TLN2: variants seen among roughly 807,000 people sequenced by gnomAD.
The protein encoded by TLN2 is talin-2.
Under a neutral mutation model 294.7 loss-of-function variants are expected in TLN2, and 118 were observed. The observed-to-expected ratio is 0.40, with a 90% CI of 0.34 to 0.47. TLN2 has a LOEUF of 0.47. TLN2 is among the 20% of genes least tolerant of loss of function. The probability of loss-of-function intolerance (pLI) is 0.84; values close to 1 mark genes in which losing one functional copy is unlikely to be tolerated. For synonymous variants in TLN2, 1,431 were observed against 1,304.5 expected, an observed-to-expected ratio of 1.10 and a Z score of -2.09; for missense variants, 3,083 against 3,282.2, an observed-to-expected ratio of 0.94 and a Z score of 1.48.
intron 44 of TLN2, 104 bp downstream of exon 44, chr15:62,781,345 C>A: frequency 2.4e-6 from 2 of 843,974 alleles, no homozygotes; most frequent in Middle Eastern, 3.2e-4. Flanking sequence ...AGAGCCCAGA[C>A]CACTCTCTAG....
chr15:62,662,656 G>A (rs1246971259), intron 9 of TLN2, among the ~76,000 whole-genome samples: 2 of 152,104 alleles, frequency 1.3e-5, no homozygotes, highest in Non-Finnish European at 2.9e-5. Flanking sequence ...AGCAGTGAAA[G>A]ACACAGTCAA....
chr15:62,515,954 A>C (rs1054469276), intron 1 of TLN2, among the ~76,000 whole-genome samples: 1 of 152,182 alleles, frequency 6.6e-6, no homozygotes, highest in Non-Finnish European at 1.5e-5. Context: ...CCCCCTATGC[A>C]ACAAGATCCT....
At chr15:62,519,998 G>C (rs762570443) in intron 1 of TLN2, among the ~76,000 whole-genome samples, 2 of 152,214 alleles carry the variant, frequency 1.3e-5, no homozygotes, top group African/African-American at 4.8e-5. Context: ...CACGTCTTAC[G>C]TGGCAGCAGA....
chr15:62,451,525 T>C (rs1411018221), intron 1 of TLN2, among the ~76,000 whole-genome samples: 1 of 152,088 alleles, frequency 6.6e-6, no homozygotes, highest in Non-Finnish European at 1.5e-5. Context: ...GGCATGGTGG[T>C]GCGTGCCTGT....
At chr15:62,696,043 T>C (rs2058307229) in intron 14 of TLN2, among the ~76,000 whole-genome samples, 1 of 152,234 alleles carries the variant, frequency 6.6e-6, no homozygotes, top group African/African-American at 2.4e-5. Flanking sequence ...TCTTCCTCCA[T>C]TGGTCCTTGG....
intron 1 of TLN2, among the ~76,000 whole-genome samples, chr15:62,400,416 A>G (rs982528624): frequency 2.0e-5 from 3 of 152,234 alleles, no homozygotes; most frequent in Non-Finnish European, 4.4e-5. Context: ...TATTTGAGTC[A>G]TGTTACTTAA....
At chr15:62,805,176 G>A (rs1429477111) in intron 50 of TLN2, among the ~76,000 whole-genome samples, 1 of 152,156 alleles carries the variant, frequency 6.6e-6, no homozygotes, top group Non-Finnish European at 1.5e-5. Flanking sequence ...TGAGTCCTGA[G>A]TGATGGGGCC....
At chr15:62,528,823 T>C (rs1204076390) in intron 1 of TLN2, among the ~76,000 whole-genome samples, 1 of 152,162 alleles carries the variant, frequency 6.6e-6, no homozygotes, top group Non-Finnish European at 1.5e-5. Context: ...TACGCTCTTC[T>C]GTCTTCATCT....
chr15:62,651,933 A>G lies in TLN2; in HGVS notation c.235-72A>G, dbSNP rs2140945097. 2.8e-6 allele frequency: 4 copies of G among 1,446,208 alleles called. No individual in the cohort carries two copies. In the South Asian group the frequency reaches 6.7e-5, roughly 24 times the overall value. 89.6% of individuals were successfully genotyped at this position (1,446,208 alleles called of 1,614,324 possible). A position where few individuals can be genotyped will look rare whatever the true frequency, so the allele number is the denominator to read the frequency against. ...CTGATTTTTTTAAAATTCATTTTTT[A>G]AAGAAAAGTGTTCAAGTTTGTTATT... On this transcript the variant is annotated intron_variant, in intron 5 of 58. Coordinates refer to ENST00000636159, the MANE Select transcript of TLN2 (RefSeq NM_015059.3).
intron 1 of TLN2, among the ~76,000 whole-genome samples, chr15:62,457,980 C>A (rs1373056970): frequency 2.0e-5 from 3 of 152,162 alleles, no homozygotes; most frequent in African/African-American, 7.2e-5. Flanking sequence ...GCAACTGTGC[C>A]AGAAAACTGG....
At chr15:62,452,692 C>T (rs556563670) in intron 1 of TLN2, among the ~76,000 whole-genome samples, 49 of 152,320 alleles carry the variant, frequency 3.2e-4, no homozygotes, top group African/African-American at 1.2e-3. Flanking sequence ...AATCATACCG[C>T]ATTTGTTTTC....
chr15:62,647,745 A>C (rs2052060664), intron 4 of TLN2, among the ~76,000 whole-genome samples: 2 of 152,196 alleles, frequency 1.3e-5, no homozygotes, highest in Admixed American at 1.3e-4. Context: ...GTCCCAAGAA[A>C]GTGCAAATGA....
At position 62,825,776 on chromosome 15, in the gene TLN2, A is replaced by AATATATTATATATTATAAT. The variant is rs1359445614; in HGVS notation, c.7002+5184_7002+5202dup. 1.4e-4 allele frequency among the ~76,000 whole-genome samples: 4 copies of AATATATTATATATTATAAT among 28,686 alleles called. No individual in the cohort carries two copies. In the East Asian group the frequency reaches 3.3e-3, roughly 23 times the overall value. 18.8% of individuals were successfully genotyped at this position (28,686 alleles called of 152,430 possible). A position where few individuals can be genotyped will look rare whatever the true frequency, so the allele number is the denominator to read the frequency against. On this transcript the variant is annotated intron_variant, in intron 54 of 58. Transcript: ENST00000636159. The stretch of plus-strand genomic sequence containing the variant: ...ATATAATTATAATTATATATTATAT[A>AATATATTATATATTATAAT]ATATATTATATATTATAATATATAT...
In TLN2 at chr15:62,707,322, G is replaced by A; in HGVS notation, c.2172+69G>A. 5 of 1,489,478 alleles carry A rather than the reference G, an allele frequency of 3.4e-6. No individual in the cohort carries two copies. The East Asian group carries it at 7.1e-5, about 21-fold the overall frequency. 92.3% of individuals were successfully genotyped at this position (1,489,478 alleles called of 1,614,324 possible). On this transcript the variant is annotated intron_variant, in intron 20 of 58. Coordinates refer to ENST00000636159, the MANE Select transcript of TLN2 (RefSeq NM_015059.3). ...GCTGTTACCTGCCTCCAGGCATTTG[G>A]TGTGTAGCAGGGGCAGAATTTGTTT...
rs1567688247 is a variant in TLN2 at position 62,825,852 on chromosome 15, T to TAATATAATATATAATATATATTATA, written c.7002+5242_7002+5243insAATATAATATATAATATATATTATA. ...ATAATATATAATATATATAAATATA[T>TAATATAATATATAATATATATTATA]TATATATATATATATTTATATATAT... On this transcript the variant is annotated intron_variant, in intron 54 of 58. Transcript: ENST00000636159. Among the ~76,000 whole-genome samples the TAATATAATATATAATATATATTATA allele has an allele frequency of 5.6e-5, 5 of 89,530 alleles. 1 individual carries two copies. Among genetic ancestry groups the TAATATAATATATAATATATATTATA allele is most frequent in the African/African-American group, 3.0e-4 (5 of 16,778 alleles). The allele number at this position is 89,530 out of a possible 152,430, so 58.7% of individuals were successfully genotyped here.
chr15:62,543,711 T>C (rs8040929), intron 1 of TLN2, among the ~76,000 whole-genome samples: 73,758 of 149,202 alleles, frequency 0.49, 19,558 homozygotes, highest in African/African-American at 0.71. Flanking sequence ...GCCAAGATCG[T>C]GCCACTGCAC....
intron 50 of TLN2, 87 bp downstream of exon 50, chr15:62,800,856 G>GGT: frequency 8.9e-7 from 1 of 1,122,416 alleles, no homozygotes; most frequent in Middle Eastern, 2.6e-4. Context: ...TTACCAATGA[G>GGT]GTTTTACCTA....
At chr15:62,558,164 CTT>C (rs1361728625) in intron 1 of TLN2, among the ~76,000 whole-genome samples, 1 of 152,206 alleles carries the variant, frequency 6.6e-6, no homozygotes, top group African/African-American at 2.4e-5. Flanking sequence ...TGATACTGAT[CTT>C]GTCTACATAA....
At chr15:62,625,593 G>T (rs991814811) in intron 3 of TLN2, among the ~76,000 whole-genome samples, 2 of 152,192 alleles carry the variant, frequency 1.3e-5, no homozygotes, top group Non-Finnish European at 2.9e-5. Flanking sequence ...GCTGGGAACA[G>T]TTAGGCTACT....
Sources: gnomAD v4.1 joint callset for allele counts (sites outside exome capture counted in the v4.1 genomes callset) on GRCh38, gnomAD v4.1.1 for gene constraint, MANE v1.5 for transcripts, NCBI Gene and HGNC (gene_info 2026-07-23, HGNC 2026-07-21) for gene names.